Variants in MGAT4C observed in about 807,000 individuals in gnomAD.
MGAT4C encodes the protein MGAT4 family member C.
Under a neutral mutation model 40.1 loss-of-function variants are expected in MGAT4C, and 19 were observed. The observed-to-expected ratio is 0.47, with a 90% confidence interval of 0.33 to 0.70. The LOEUF is 0.70. Among genes scored for constraint, MGAT4C ranks in the 30% least tolerant of loss-of-function variants. MGAT4C has a pLI of 0.02. For missense variants in MGAT4C, 491 were observed against 563.2 expected (o/e 0.87, Z 1.30); for synonymous variants, 181 against 187.1 (o/e 0.97, Z 0.27).
At chr12:86,562,853 G>T (rs1251509661) in intron 2 of MGAT4C, among the ~76,000 whole-genome samples, 3 of 152,144 alleles carry the variant, frequency 2.0e-5, no homozygotes, top group African/African-American at 7.2e-5. Flanking sequence ...ATTGATATGG[G>T]CCTAACCAGG....
intron 2 of MGAT4C, among the ~76,000 whole-genome samples, chr12:86,654,885 CT>C (rs1250002838): frequency 6.6e-6 from 1 of 151,732 alleles, no homozygotes; most frequent in Non-Finnish European, 1.5e-5. Context: ...ATTACTAGAA[CT>C]TTTTGTGGAA....
Position 85,980,185 on chromosome 12 carries a change from T to C in MGAT4C, c.541A>G (p.Ile181Val). The C allele has an allele frequency of 1.6e-5, 26 of 1,613,930 alleles. No homozygotes were observed. Among genetic ancestry groups the C allele is most frequent in the Non-Finnish European group, 2.2e-5 (26 of 1,179,888 alleles). The change falls in exon 5 of 5, where the codon ATC becomes GTC. Residue 181 changes from isoleucine to valine, a missense_variant. Ile to Val is a conservative substitution (Grantham distance 29). Transcript: ENST00000611864. ...VIHAPEEYYPILDGLKRNYND... is the reference protein window; with the variant it reads ...VIHAPEEYYPVLDGLKRNYND... ...TAATTTCTTTTAAGGCCATCTAGGATTGGGTAATACTCCTCTGGAGCATGT... is the reference window on the plus strand; with the variant it reads ...TAATTTCTTTTAAGGCCATCTAGGACTGGGTAATACTCCTCTGGAGCATGT...
At chr12:86,264,421 A>C (rs1255063246) in intron 4 of MGAT4C, among the ~76,000 whole-genome samples, 1 of 152,126 alleles carries the variant, frequency 6.6e-6, no homozygotes, top group Non-Finnish European at 1.5e-5. Context: ...TTTTGATTGC[A>C]GGAGAGGCCC....
rs1956437333 is a variant in MGAT4C, at chr12:86,405,045, A to G, written c.-120+30112T>C. 2.0e-5 allele frequency among the ~76,000 whole-genome samples: 3 copies of G among 152,090 alleles called. No individual in the cohort carries two copies. In the South Asian group the frequency reaches 6.2e-4, roughly 32 times the overall value. On this transcript the variant is annotated intron_variant, in intron 3 of 7. Coordinates refer to the MGAT4C transcript ENST00000548651. ...AGGGGTGAAATTACATAAAAGAAAC[A>G]AGAAAAAAAGTTTTCAGAAACTATG... is the stretch of plus-strand genomic sequence containing the variant.
At chr12:86,575,622 G>C (rs1328520996) in intron 2 of MGAT4C, among the ~76,000 whole-genome samples, 1 of 151,764 alleles carries the variant, frequency 6.6e-6, no homozygotes, top group African/African-American at 2.4e-5. Context: ...TGGACACTTA[G>C]GTTGCTTCCA....
intron 1 of MGAT4C, among the ~76,000 whole-genome samples, chr12:86,789,956 A>C (rs1951995754): frequency 6.6e-6 from 1 of 152,130 alleles, no homozygotes; most frequent in African/African-American, 2.4e-5. Context: ...TTCCATCAGA[A>C]ATTATCTGGC....
At chr12:86,004,026 T>C (rs1887622301) in intron 2 of MGAT4C, among the ~76,000 whole-genome samples, 1 of 152,200 alleles carries the variant, frequency 6.6e-6, no homozygotes, top group African/African-American at 2.4e-5. Context: ...TTACATGTTT[T>C]ACAGTGTTGC....
In MGAT4C at chr12:86,723,586, C is replaced by G. The variant is rs376648860; in HGVS notation, c.-229+3623G>C. Among the ~76,000 whole-genome samples, 5 of 152,014 alleles carry G rather than the reference C, an allele frequency of 3.3e-5. No individual in the cohort carries two copies. The East Asian group carries it at 7.7e-4, about 24-fold the overall frequency. ...CTGAATTTCCCCTTTTAATAAGTAC[C>G]TATTATATTGAACAAGGGCTCACTC... On this transcript the variant is annotated intron_variant, in intron 2 of 7. Coordinates refer to the MGAT4C transcript ENST00000548651.
chr12:86,238,881 C>T (rs1375755423), intron 1 of MGAT4C, among the ~76,000 whole-genome samples: 3 of 151,786 alleles, frequency 2.0e-5, no homozygotes, highest in Non-Finnish European at 4.4e-5. Flanking sequence ...TTCTAGTAGA[C>T]CTCATGGGTT....
intron 4 of MGAT4C, among the ~76,000 whole-genome samples, chr12:86,331,893 CAT>C (rs1175329907): frequency 6.6e-6 from 1 of 152,030 alleles, no homozygotes; most frequent in Non-Finnish European, 1.5e-5. Context: ...TTTATAAAAA[CAT>C]AAAAAACACA....
intron 3 of MGAT4C, among the ~76,000 whole-genome samples, chr12:86,391,866 G>T (rs999737643): frequency 1.3e-5 from 2 of 150,138 alleles, no homozygotes; most frequent in Middle Eastern, 3.2e-3. Context: ...CTCAAAAAAA[G>T]AAAAAAAAAG....
chr12:86,589,868 A>G (rs569158066), intron 2 of MGAT4C, among the ~76,000 whole-genome samples: 38 of 152,164 alleles, frequency 2.5e-4, no homozygotes, highest in African/African-American at 9.1e-4. Context: ...AATGTTCCCA[A>G]GCACAAACAA....
chr12:86,017,201 T>C (rs1592696888), intron 2 of MGAT4C, among the ~76,000 whole-genome samples: 1 of 152,248 alleles, frequency 6.6e-6, no homozygotes, highest in Middle Eastern at 3.4e-3. Context: ...CACTGTGGTT[T>C]GAGTGTGTGT....
At chr12:86,151,446 A>C (rs1884268905) in intron 1 of MGAT4C, among the ~76,000 whole-genome samples, 1 of 152,142 alleles carries the variant, frequency 6.6e-6, no homozygotes. Flanking sequence ...CCCCGTCTCT[A>C]CTAAAAATAC....
At chr12:86,453,577 A>G (rs1957461783) in intron 2 of MGAT4C, among the ~76,000 whole-genome samples, 1 of 152,072 alleles carries the variant, frequency 6.6e-6, no homozygotes, top group Non-Finnish European at 1.5e-5. Context: ...TGGTGACTCA[A>G]AGATGACATT....
intron 3 of MGAT4C, among the ~76,000 whole-genome samples, chr12:86,403,818 T>C (rs551852688): frequency 3.9e-5 from 6 of 152,264 alleles, no homozygotes; most frequent in African/African-American, 1.4e-4. Flanking sequence ...ACTTTTATGA[T>C]TGGTTGATCT....
intron 2 of MGAT4C, among the ~76,000 whole-genome samples, chr12:86,029,002 C>T (rs183685630): frequency 2.0e-5 from 3 of 151,830 alleles, no homozygotes; most frequent in Non-Finnish European, 4.4e-5. Flanking sequence ...TATTTATTAT[C>T]GAGATGGTCT....
intron 2 of MGAT4C, among the ~76,000 whole-genome samples, chr12:86,673,264 T>C (rs1203720273): frequency 6.6e-6 from 1 of 152,222 alleles, no homozygotes; most frequent in East Asian, 1.9e-4. Flanking sequence ...TTATTCATCT[T>C]TAAAATGGAG....
chr12:86,259,294 G>A (rs183262814), upstream of MGAT4C, among the ~76,000 whole-genome samples: 371 of 152,040 alleles, frequency 2.4e-3, 1 homozygote, highest in Middle Eastern at 0.01. Context: ...ATGATACTTG[G>A]ACATCAGTCT....
Sources: allele counts gnomAD v4.1 joint callset (sites outside exome capture counted in the v4.1 genomes callset), GRCh38; gene constraint gnomAD v4.1.1; transcripts MANE v1.5; gene names NCBI Gene and HGNC (gene_info 2026-07-23, HGNC 2026-07-21).